The following PNISR variants were observed in gnomAD, a reference collection of about 807,000 sequenced individuals.
PNISR encodes the protein arginine/serine-rich protein PNISR.
A neutral mutation model predicts 93.4 loss-of-function variants in PNISR; 20 were observed. That is an observed-to-expected ratio of 0.21 (90% CI 0.15 to 0.31). The LOEUF (loss-of-function observed/expected upper bound fraction) is 0.31, where lower values mean the gene tolerates loss of function less well. PNISR is among the 10% of genes least tolerant of loss of function. PNISR has a pLI of 1.00. For missense variants in PNISR, 893 were observed against 985.4 expected (o/e 0.91, Z 1.25); for synonymous variants, 305 against 306.5 (o/e 0.99, Z 0.05).
At chr6:99,421,329 G>A (rs745879641) in intron 1 of PNISR, among the ~76,000 whole-genome samples, 9 of 152,282 alleles carry the variant, frequency 5.9e-5, no homozygotes, top group Non-Finnish European at 1.3e-4. Flanking sequence ...CCAGTGTTAT[G>A]GAATGAATTG....
rs1413101569 is a variant in PNISR at position 99,413,835 on chromosome 6, A to AGG, written c.88+736_88+737insCC. Among the ~76,000 whole-genome samples the AGG allele has an allele frequency of 1.7e-3, 264 of 152,348 alleles. 1 individual carries two copies. Among genetic ancestry groups the AGG allele is most frequent in the African/African-American group, 6.1e-3 (254 of 41,586 alleles). On this transcript the variant is annotated intron_variant, in intron 3 of 11. Transcript: ENST00000369239. ...AACCCCTATGGGGTTACACATGGCA[A>AGG]TGTGCACCTGAAATTACCGTGACTT...
chr6:99,406,078 C>T lies in PNISR; in HGVS notation c.955G>A (p.Glu319Lys). Residue 319 changes from glutamate (E) to lysine (K), a missense_variant, in exon 8 of 12, where the codon GAG (glutamate) becomes AAG (lysine). By Grantham distance (56) the Glu-to-Lys change is moderately conservative (BLOSUM62 1). Coordinates refer to ENST00000369239, the MANE Select transcript of PNISR (RefSeq NM_032870.4). ...TRSPSPVPQE[E>K]HSDPEMTEEE... ...TCAGTCATCTCAGGGTCACTGTGCT[C>T]TTCTTGAGGAACTGGGGATGGACTT... 6.2e-7 allele frequency: 1 copy of T among 1,612,036 alleles called. No individual in the cohort carries two copies. The highest frequency in any genetic ancestry group is 1.7e-5 in the Admixed American group (1 of 59,984).
intron 10 of PNISR, chr6:99,403,618 A>G: frequency 5.3e-6 from 2 of 379,276 alleles, no homozygotes; most frequent in Non-Finnish European, 9.5e-6. Context: ...CCAATAAACT[A>G]TGAATTAACC....
At position 99,414,563 on chromosome 6, in the gene PNISR, T is replaced by C. The variant is rs765215770; in HGVS notation, c.88+9A>G. On this transcript the variant is annotated intron_variant, in intron 3 of 11. Coordinates refer to ENST00000369239, the MANE Select transcript of PNISR (RefSeq NM_032870.4). ...ACCCCGCCCTTTCAAATTCAATTTG[T>C]TTCCTTACTTGGATCCTGTTGGTGC... 6.8e-7 allele frequency: 1 copy of C among 1,473,960 alleles called. No individual in the cohort carries two copies. Among genetic ancestry groups the C allele is most frequent in the Admixed American group, 1.7e-5 (1 of 59,142 alleles). 91.3% of individuals were successfully genotyped at this position (1,473,960 alleles called of 1,614,324 possible).
Position 99,408,174 on chromosome 6 carries a change from T to A in PNISR, c.771A>T (p.Glu257Asp). The change falls in exon 7 of 12, where the codon GAA becomes GAT. Residue 257 changes from glutamate to aspartate, a missense_variant. This residue lies in a region of PNISR where 866 missense variants were observed against 935.1 expected (regional missense o/e 0.93). Coordinates refer to ENST00000369239, the MANE Select transcript of PNISR (RefSeq NM_032870.4). ...TTTTGGACAATTGTGAACGTTGTTG[T>A]TCCATTCTTTCTTTCTCCAATTTCT... Reference protein sequence around the residue: ...KQKKLEKERMEQQRSQLSKKE... With the variant: ...KQKKLEKERMDQQRSQLSKKE... The A allele has an allele frequency of 6.2e-7, 1 of 1,613,668 alleles. No homozygotes were observed. Among genetic ancestry groups the A allele is most frequent in the Non-Finnish European group, 8.5e-7 (1 of 1,179,622 alleles).
intron 5 of PNISR, 193 bp downstream of exon 5, chr6:99,410,548 C>T: frequency 1.9e-6 from 1 of 531,872 alleles, no homozygotes; most frequent in East Asian, 2.9e-5. Context: ...ATACCATTTT[C>T]CTAATGAAAT....
At chr6:99,423,030 A>C (rs1276588209) in intron 1 of PNISR, among the ~76,000 whole-genome samples, 1 of 152,108 alleles carries the variant, frequency 6.6e-6, no homozygotes, top group African/African-American at 2.4e-5. Context: ...TTTTAATACC[A>C]TTCTTCAATA....
rs187508815 is a variant in PNISR, at chr6:99,398,557, A to G, written c.*1983T>C. The G allele has an allele frequency of 1.5e-4, 23 of 152,274 alleles. 1 individual carries two copies. The highest frequency in any genetic ancestry group is 1.3e-3 in the Admixed American group (20 of 15,300). 9.4% of individuals were successfully genotyped at this position (152,274 alleles called of 1,614,324 possible). A position where few individuals can be genotyped will look rare whatever the true frequency, so the allele number is the denominator to read the frequency against. Reference sequence around the variant, plus strand: ...TTTAAAAAAACTACAGACTTAACTGATAAGCTTGCAAATTACGGCAGAGTA... The same window carrying G: ...TTTAAAAAAACTACAGACTTAACTGGTAAGCTTGCAAATTACGGCAGAGTA... On this transcript the variant is annotated 3_prime_UTR_variant, in exon 12 of 12. Transcript: ENST00000369239.
chr6:99,414,718 A>T, intron 2 of PNISR, 28 bp from the exon 3 acceptor site: 1 of 999,752 alleles, frequency 1.0e-6, no homozygotes, highest in Non-Finnish European at 1.5e-6. Flanking sequence ...TAGTTTAAAA[A>T]TTATAGTGAG....
At chr6:99,424,483 A>C (rs1304683224) in intron 1 of PNISR, among the ~76,000 whole-genome samples, 1 of 152,128 alleles carries the variant, frequency 6.6e-6, no homozygotes, top group Non-Finnish European at 1.5e-5. Context: ...TTTACAAAAA[A>C]ATTCCACAAG....
chr6:99,418,387 C>T (rs982554548), intron 1 of PNISR, among the ~76,000 whole-genome samples: 2 of 151,642 alleles, frequency 1.3e-5, no homozygotes, highest in Non-Finnish European at 2.9e-5. Context: ...CTACCCACCT[C>T]AGCCTCCCAA....
At chr6:99,411,702 T>TC (rs1405634464) in intron 4 of PNISR, 1 of 153,202 alleles carries the variant, frequency 6.5e-6, no homozygotes, top group East Asian at 1.9e-4. Context: ...GCAGTCTCAA[T>TC]CCCCTAGGCT....
At chr6:99,412,313 G>A in intron 4 of PNISR, 2 of 632,804 alleles carry the variant, frequency 3.2e-6, no homozygotes, top group Admixed American at 2.1e-5. Flanking sequence ...CCCAGCCCCT[G>A]TCAGCCTAGG....
At chr6:99,404,486 G>T (rs889194425) in intron 9 of PNISR, 117 bp downstream of exon 9, 2 of 720,434 alleles carry the variant, frequency 2.8e-6, no homozygotes, top group African/African-American at 1.7e-5. Context: ...GTTAAAACAT[G>T]CAAGAGAATA....
At position 99,401,612 on chromosome 6, in the gene PNISR, T is replaced by G; in HGVS notation, c.1346A>C (p.Glu449Ala). 6.5e-7 allele frequency: 1 copy of G among 1,542,922 alleles called. No homozygotes were observed. The highest frequency in any genetic ancestry group is 8.7e-7 in the Non-Finnish European group (1 of 1,149,998). The change falls in exon 12 of 12, where the codon GAA becomes GCA. Residue 449 changes from glutamate (E) to alanine (A), a missense_variant. Coordinates refer to ENST00000369239, the MANE Select transcript of PNISR (RefSeq NM_032870.4). Reference sequence around the variant, plus strand: ...TTCATTCATCTCTTTTGTAACCCTTTCTGTTTGCTGCTTTTCTTCTGAAAC... The same window carrying G: ...TTCATTCATCTCTTTTGTAACCCTTGCTGTTTGCTGCTTTTCTTCTGAAAC... ...KQMEEEKQQTERVTKEMNEFI... is the reference protein window; with the variant it reads ...KQMEEEKQQTARVTKEMNEFI...
chr6:99,401,110 T>C lies in PNISR; in HGVS notation c.1848A>G (p.Arg616=). The C allele has an allele frequency of 6.2e-7, 1 of 1,613,914 alleles. No homozygotes were observed. The part of the protein sequence containing the change: ...RRRNRSPSRE[R]RRSRSRSRDR... ...CCCTTGAGCGACTTCTACTTCTACG[T>C]CTCTCTCGGGAAGGACTCCGATTTC... The change falls in exon 12 of 12, where the codon AGA becomes AGG. Residue 616 remains arginine (R), a synonymous_variant. Transcript: ENST00000369239.
intron 1 of PNISR, among the ~76,000 whole-genome samples, chr6:99,424,384 T>C (rs1779133776): frequency 6.6e-6 from 1 of 151,582 alleles, no homozygotes; most frequent in Non-Finnish European, 1.5e-5. Flanking sequence ...CAAAAACTGT[T>C]CTAAAACATA....
intron 7 of PNISR, 80 bp downstream of exon 7, chr6:99,408,001 A>T: frequency 9.9e-7 from 1 of 1,009,240 alleles, no homozygotes; most frequent in Non-Finnish European, 1.5e-6. Flanking sequence ...ACTTTCCTAT[A>T]GGCTAAAATA....
In PNISR at chr6:99,401,061, G is replaced by T; in HGVS notation, c.1897C>A (p.Arg633Ser). The T allele has an allele frequency of 1.2e-6, 2 of 1,613,346 alleles. No homozygotes were observed. The highest frequency in any genetic ancestry group is 1.7e-6 in the Non-Finnish European group (2 of 1,179,906). ...TTACGCCTATCTCGACTCCTACTGC[G>T]ACTGGCACGATTGGTTCGTCTATCC... ...SRDRRTNRAS[R>S]SRSRDRRKID... is the part of the protein sequence containing the mutation. The change falls in exon 12 of 12, where the codon CGC becomes AGC. Residue 633 changes from arginine to serine, a missense_variant. This residue lies in a region of PNISR where 866 missense variants were observed against 935.1 expected (regional missense o/e 0.93). Coordinates refer to ENST00000369239, the MANE Select transcript of PNISR (RefSeq NM_032870.4).
Sources: gnomAD v4.1 joint callset for allele counts (sites outside exome capture counted in the v4.1 genomes callset) on GRCh38, gnomAD v4.1.1 for gene constraint, gnomAD v4.1.1 regional missense constraint, MANE v1.5 for transcripts, NCBI Gene and HGNC (gene_info 2026-07-23, HGNC 2026-07-21) for gene names.